The following FOXP1 variants were observed in gnomAD, a reference collection of about 807,000 sequenced individuals.
The protein encoded by FOXP1 is forkhead box P1.
Under a neutral mutation model 98.2 loss-of-function variants are expected in FOXP1, and 15 were observed. The observed-to-expected ratio is 0.15, with a 90% confidence interval of 0.10 to 0.24. FOXP1 has a LOEUF of 0.24. Among genes scored for constraint, FOXP1 ranks in the 10% least tolerant of loss-of-function variants. The pLI, the probability that FOXP1 is intolerant of heterozygous loss-of-function variation, is 1.00. For synonymous variants in FOXP1, 371 were observed against 314.5 expected (o/e 1.18, Z -1.90); for missense variants, 633 against 848.5 (o/e 0.75, Z 3.15).
chr3:71,237,550 T>C (rs1433435005), intron 5 of FOXP1, among the ~76,000 whole-genome samples: 4 of 152,158 alleles, frequency 2.6e-5, no homozygotes, highest in Non-Finnish European at 4.4e-5. Context: ...AAACTGACAC[T>C]TTACATACTG....
At chr3:71,449,860 T>C (rs541216349) in intron 3 of FOXP1, among the ~76,000 whole-genome samples, 25 of 152,310 alleles carry the variant, frequency 1.6e-4, no homozygotes, top group African/African-American at 5.8e-4. Context: ...AGCTAAACCA[T>C]AACAAAGTAT....
At chr3:71,388,775 G>C (rs538494190) in intron 3 of FOXP1, among the ~76,000 whole-genome samples, 1 of 151,968 alleles carries the variant, frequency 6.6e-6, no homozygotes, top group African/African-American at 2.4e-5. Context: ...TCTACAAGGC[G>C]GACAGATAAA....
rs573639526 is a variant in FOXP1 at position 71,176,743 on chromosome 3, CAAAAAAAAAAA to C, written c.180+21448_180+21458del. 1.1e-4 allele frequency among the ~76,000 whole-genome samples: 8 copies of C among 75,548 alleles called. 1 individual carries two copies. Among genetic ancestry groups the C allele is most frequent in the South Asian group, 1.2e-3 (2 of 1,612 alleles). The allele number at this position is 75,548 out of a possible 152,430, so 49.6% of individuals were successfully genotyped here. A position where few individuals can be genotyped will look rare whatever the true frequency, so the allele number is the denominator to read the frequency against. On this transcript the variant is annotated intron_variant, in intron 6 of 20. Transcript: ENST00000649528. ...AGGGCAACAGAGCAAGAGGCTATCT[CAAAAAAAAAAA>C]AAAAAAAAAAAAAAAAAGAGCCGGG...
At chr3:71,388,339 T>G (rs982028612) in intron 3 of FOXP1, among the ~76,000 whole-genome samples, 6 of 152,210 alleles carry the variant, frequency 3.9e-5, no homozygotes, top group African/African-American at 1.4e-4. Flanking sequence ...GAAAACTATA[T>G]AGATGGCTTT....
At chr3:71,183,235 T>G (rs1162344906) in intron 6 of FOXP1, among the ~76,000 whole-genome samples, 3 of 152,282 alleles carry the variant, frequency 2.0e-5, no homozygotes, top group Admixed American at 2.0e-4. Context: ...GGCTCATGCC[T>G]GTAATCCCAG....
At chr3:71,582,674 C>T in intron 1 of FOXP1, 1 of 985,396 alleles carries the variant, frequency 1.0e-6, no homozygotes, top group Non-Finnish European at 1.2e-6. Flanking sequence ...CGACTCCTCG[C>T]AGCGCATCCG....
chr3:71,549,860 T>TAAAAAAAAA (rs55826932), intron 2 of FOXP1, among the ~76,000 whole-genome samples: 1 of 59,896 alleles, frequency 1.7e-5, no homozygotes, highest in Non-Finnish European at 3.2e-5. Context: ...ATGCTGGGAG[T>TAAAAAAAAA]AAAAAAAAAA....
rs1216038997 is a variant in FOXP1 at position 71,015,470 on chromosome 3, A to C, written c.974+79T>G. 6 of 952,418 alleles carry C rather than the reference A, an allele frequency of 6.3e-6. No homozygotes were observed. In the African/African-American group the frequency reaches 8.1e-5, roughly 13 times the overall value. 59.0% of individuals were successfully genotyped at this position (952,418 alleles called of 1,614,324 possible). ...GGTGAGGTGAAACTCTCCATCAAAA[A>C]GGCATTTTATGAGCAAAGCATGAAC... On this transcript the variant is annotated intron_variant, in intron 12 of 20. Transcript: ENST00000649528.
chr3:71,228,290 T>C (rs1270358908), intron 5 of FOXP1, among the ~76,000 whole-genome samples: 1 of 152,250 alleles, frequency 6.6e-6, no homozygotes, highest in African/African-American at 2.4e-5. Flanking sequence ...ACCGAAATTA[T>C]TGGGTTAAAT....
At chr3:71,150,633 CTTA>C (rs149354402) in intron 6 of FOXP1, among the ~76,000 whole-genome samples, 2,219 of 152,200 alleles carry the variant, frequency 0.015, 42 homozygotes, top group African/African-American at 0.051. Flanking sequence ...ACAGCCATTA[CTTA>C]TTATTATTAC....
rs543914959 is a variant in FOXP1 at position 70,967,615 on chromosome 3, C to T, written c.1723-1559G>A. 2.5e-4 allele frequency among the ~76,000 whole-genome samples: 38 copies of T among 149,780 alleles called. No homozygotes were observed. The South Asian group carries it at 4.4e-3, about 17-fold the overall frequency. ...TTTTCCAACAGCTCTTTTATAATTG[C>T]GATAAAGCTTTTTTTCTTTCTTTCT... On this transcript the variant is annotated intron_variant, in intron 19 of 20. Transcript: ENST00000649528.
intron 2 of FOXP1, among the ~76,000 whole-genome samples, chr3:71,550,034 T>G (rs1349894321): frequency 1.3e-5 from 2 of 152,214 alleles, no homozygotes; most frequent in East Asian, 3.8e-4. Flanking sequence ...ACAAGTTCAT[T>G]GTATAAAAGT....
intron 6 of FOXP1, among the ~76,000 whole-genome samples, chr3:71,155,866 A>C (rs2060795282): frequency 6.6e-6 from 1 of 152,222 alleles, no homozygotes; most frequent in African/African-American, 2.4e-5. Flanking sequence ...AACAGAACTG[A>C]AACAGACAAG....
intron 3 of FOXP1, among the ~76,000 whole-genome samples, chr3:71,487,340 G>A (rs2090733290): frequency 1.3e-5 from 2 of 152,176 alleles, no homozygotes; most frequent in African/African-American, 4.8e-5. Context: ...TTACGGGCAT[G>A]AGCCACAGCA....
chr3:71,232,904 A>G (rs2066436039), intron 5 of FOXP1, among the ~76,000 whole-genome samples: 1 of 148,354 alleles, frequency 6.7e-6, no homozygotes, highest in Non-Finnish European at 1.5e-5. Flanking sequence ...AAAGCAAGAA[A>G]AATGGGGACC....
intron 2 of FOXP1, among the ~76,000 whole-genome samples, chr3:71,501,798 C>T (rs868285062): frequency 6.6e-6 from 1 of 152,168 alleles, no homozygotes; most frequent in African/African-American, 2.4e-5. Flanking sequence ...TTTCTGAACT[C>T]GGTGTCTTTT....
chr3:71,190,556 C>A (rs1278705721), intron 6 of FOXP1, among the ~76,000 whole-genome samples: 2 of 148,350 alleles, frequency 1.3e-5, no homozygotes, highest in Non-Finnish European at 3.0e-5. Context: ...GGAGGTAAAG[C>A]CTTCAGTAAG....
intron 3 of FOXP1, among the ~76,000 whole-genome samples, chr3:71,433,890 C>T (rs898932186): frequency 3.3e-5 from 5 of 152,184 alleles, no homozygotes; most frequent in Admixed American, 6.5e-5. Context: ...AAGCTTAGAT[C>T]GCATCAGCCA....
chr3:71,069,967 C>A (rs1252471959), intron 7 of FOXP1, among the ~76,000 whole-genome samples: 2 of 152,162 alleles, frequency 1.3e-5, no homozygotes, highest in Non-Finnish European at 2.9e-5. Flanking sequence ...GCTCACACAT[C>A]TTCCTCCCAT....
Sources: gnomAD v4.1 joint callset for allele counts (sites outside exome capture counted in the v4.1 genomes callset) on GRCh38, gnomAD v4.1.1 for gene constraint, MANE v1.5 for transcripts, NCBI Gene and HGNC (gene_info 2026-07-23, HGNC 2026-07-21) for gene names.